Variants in SASH1 observed in about 807,000 individuals in gnomAD.
SASH1 encodes SAM and SH3 domain-containing protein 1.
In SASH1, 44 loss-of-function variants were observed where a neutral mutation model predicts 125.2. The ratio of observed to expected loss-of-function variants is 0.35; its 90% CI spans 0.28 to 0.45. SASH1 has a LOEUF of 0.45. Among genes scored for constraint, SASH1 ranks in the 20% least tolerant of loss-of-function variants. SASH1 has a pLI of 1.00. For missense variants in SASH1, 1,426 were observed against 1,614.5 expected, an observed-to-expected ratio of 0.88 and a Z score of 2.00; for synonymous variants, 639 against 649.1, an observed-to-expected ratio of 0.98 and a Z score of 0.24.
At chr6:148,257,647 T>G in the SASH1 span, among the ~76,000 whole-genome samples, 1 of 142,616 alleles carries the variant, frequency 7.0e-6, no homozygotes, top group Non-Finnish European at 1.5e-5. Flanking sequence ...TTTTTTTTTT[T>G]TTGAGACGGA....
chr6:148,415,301 G>A (rs552207831), intron 2 of SASH1, among the ~76,000 whole-genome samples: 1 of 152,298 alleles, frequency 6.6e-6, no homozygotes, highest in South Asian at 2.1e-4. Flanking sequence ...TGATTTTAAT[G>A]TATTTGTGCC....
intron 1 of SASH1, among the ~76,000 whole-genome samples, chr6:148,359,022 A>C (rs1449612054): frequency 6.6e-6 from 1 of 152,072 alleles, no homozygotes; most frequent in Non-Finnish European, 1.5e-5. Flanking sequence ...GGCGTGAGCC[A>C]CTACACCCGG....
chr6:148,427,447 AG>A (rs1775872482), intron 2 of SASH1, among the ~76,000 whole-genome samples: 1 of 152,206 alleles, frequency 6.6e-6, no homozygotes. Context: ...ACACTGTAAA[AG>A]GTGCATTCTT....
intron 2 of SASH1, among the ~76,000 whole-genome samples, chr6:148,396,424 C>G (rs1783952301): frequency 7.3e-6 from 1 of 136,824 alleles, no homozygotes; most frequent in South Asian, 2.3e-4. Flanking sequence ...TTGCAGTGAG[C>G]CAAGATCATG....
At chr6:148,284,204 C>T (rs997965005) in intron 1 of SASH1, among the ~76,000 whole-genome samples, 3 of 152,030 alleles carry the variant, frequency 2.0e-5, no homozygotes, top group Non-Finnish European at 4.4e-5. Flanking sequence ...TTTGGGAGGC[C>T]GAGGCGGGCA....
rs1363087166 is a variant in SASH1, at chr6:148,540,572, GTC to G, written c.2209+17_2209+18del. ...CTGGAAAACGGTAATGTCAGCATGA[GTC>G]GCTGGGAACCTGCTTTGACAAGTAC... On this transcript the variant is annotated intron_variant, in intron 17 of 19. Coordinates refer to ENST00000367467, the MANE Select transcript of SASH1 (RefSeq NM_015278.5). 6.3e-7 allele frequency: 1 copy of G among 1,588,880 alleles called. No individual in the cohort carries two copies. The highest frequency in any genetic ancestry group is 8.6e-7 in the Non-Finnish European group (1 of 1,158,436).
intron 2 of SASH1, among the ~76,000 whole-genome samples, chr6:148,433,068 G>T (rs1776129830): frequency 6.6e-6 from 1 of 152,128 alleles, no homozygotes; most frequent in African/African-American, 2.4e-5. Flanking sequence ...CTTGGGTTTT[G>T]CTTTTGTTGT....
chr6:148,387,687 T>TCTTTCTTC (rs1783524955), intron 1 of SASH1, among the ~76,000 whole-genome samples: 1 of 127,852 alleles, frequency 7.8e-6, no homozygotes, highest in Non-Finnish European at 1.6e-5. Context: ...TTTCTTTCTT[T>TCTTTCTTC]CTTTCGGCAT....
rs1562396412 is a variant in SASH1 at position 148,421,153 on chromosome 6, G to GGAAGGAAGGAAGGAAGA, written c.286-19031_286-19030insGAAGGAAGGAAGGAAGA. On this transcript the variant is annotated intron_variant, in intron 2 of 19. Transcript: ENST00000367467. ...AGGAAGGAAGGAAGGAAGGAAGAAAGAAAGAAAGAAAGAAAGAAAGAAAGA... is the reference window on the plus strand; with the variant it reads ...AGGAAGGAAGGAAGGAAGGAAGAAAGGAAGGAAGGAAGGAAGAAAAGAAAGAAAGAAAGAAAGAAAGA... 9.0e-3 allele frequency among the ~76,000 whole-genome samples: 732 copies of GGAAGGAAGGAAGGAAGA among 81,060 alleles called. 25 individuals carry two copies. Among genetic ancestry groups the GGAAGGAAGGAAGGAAGA allele is most frequent in the Middle Eastern group, 0.024 (4 of 168 alleles). 53.2% of individuals were successfully genotyped at this position (81,060 alleles called of 152,430 possible).
the SASH1 span, among the ~76,000 whole-genome samples, chr6:148,200,422 G>A: frequency 6.6e-6 from 1 of 152,282 alleles, no homozygotes; most frequent in African/African-American, 2.4e-5. Flanking sequence ...CTCACAGAGC[G>A]AGCGGGAGGG....
the SASH1 span, among the ~76,000 whole-genome samples, chr6:148,259,831 T>C: frequency 1.3e-5 from 2 of 152,132 alleles, no homozygotes; most frequent in African/African-American, 4.8e-5. Context: ...CTAAGGTGAT[T>C]TTTGTCATTT....
At chr6:148,271,604 C>T (rs549467890), upstream of SASH1, among the ~76,000 whole-genome samples, 14 of 152,256 alleles carry the variant, frequency 9.2e-5, no homozygotes, top group Admixed American at 2.0e-4. Flanking sequence ...GTTTTTGTAA[C>T]TTCTTTTCAG....
At chr6:148,504,124 A>G (rs1779671888) in intron 8 of SASH1, among the ~76,000 whole-genome samples, 2 of 152,198 alleles carry the variant, frequency 1.3e-5, no homozygotes, top group Non-Finnish European at 2.9e-5. Flanking sequence ...TGAGGAGCAA[A>G]GCCAGGAGAG....
At chr6:148,311,372 TG>T (rs1780325636) in intron 1 of SASH1, among the ~76,000 whole-genome samples, 1 of 152,188 alleles carries the variant, frequency 6.6e-6, no homozygotes, top group African/African-American at 2.4e-5. Context: ...CCCAAAGTGC[TG>T]GGATTACAGG....
chr6:148,409,887 C>T (rs560449065), intron 2 of SASH1, among the ~76,000 whole-genome samples: 4 of 151,934 alleles, frequency 2.6e-5, no homozygotes, highest in Non-Finnish European at 5.9e-5. Flanking sequence ...TGCAGTGAGC[C>T]GAGATTGCAC....
chr6:148,424,467 C>T (rs915218248), intron 2 of SASH1, among the ~76,000 whole-genome samples: 29 of 151,994 alleles, frequency 1.9e-4, no homozygotes, highest in East Asian at 1.4e-3. Flanking sequence ...TCAAGTTGTC[C>T]GCCCACCTTG....
At chr6:148,510,564 A>G (rs1780055768) in intron 8 of SASH1, among the ~76,000 whole-genome samples, 1 of 152,310 alleles carries the variant, frequency 6.6e-6, no homozygotes, top group Non-Finnish European at 1.5e-5. Flanking sequence ...GATTTCCTCT[A>G]TCTTCTACGA....
the SASH1 span, among the ~76,000 whole-genome samples, chr6:148,259,157 T>C: frequency 6.6e-6 from 1 of 152,018 alleles, no homozygotes; most frequent in Non-Finnish European, 1.5e-5. Flanking sequence ...ATGCCCAGAG[T>C]GGGGGCACCT....
At chr6:148,387,569 T>TTTCC (rs1783445959) in intron 1 of SASH1, among the ~76,000 whole-genome samples, 2 of 4,914 alleles carry the variant, frequency 4.1e-4, no homozygotes, top group Non-Finnish European at 6.9e-4. Flanking sequence ...TTCTTTTCTC[T>TTTCC]TTCTTTCTTT....
Sources: allele counts gnomAD v4.1 joint callset (sites outside exome capture counted in the v4.1 genomes callset), GRCh38; gene constraint gnomAD v4.1.1; transcripts MANE v1.5; gene names NCBI Gene and HGNC (gene_info 2026-07-23, HGNC 2026-07-21).